The following GSE1 variants were observed in gnomAD, a reference collection of about 807,000 sequenced individuals.
The protein encoded by GSE1 is genetic suppressor element 1.
GSE1 carries 32 observed loss-of-function variants against 112.6 expected under a neutral mutation model. The observed-to-expected ratio is 0.28, with a 90% CI of 0.21 to 0.38. The LOEUF (loss-of-function observed/expected upper bound fraction) is 0.38, where lower values mean the gene tolerates loss of function less well. Ranked by LOEUF, GSE1 falls within the 10% of genes least tolerant of loss-of-function variation. The pLI, the probability that GSE1 is intolerant of heterozygous loss-of-function variation, is 1.00. For missense variants in GSE1, 2,348 were observed against 1,699.2 expected, an observed-to-expected ratio of 1.38 and a Z score of -6.71; for synonymous variants, 1,115 against 735.6, an observed-to-expected ratio of 1.52 and a Z score of -8.35.
chr16:85,584,604 C>G (rs886992817), intron 1 of GSE1, among the ~76,000 whole-genome samples: 1 of 152,152 alleles, frequency 6.6e-6, no homozygotes, highest in Non-Finnish European at 1.5e-5. Flanking sequence ...CGCACGCGTT[C>G]TTTCTCAGAT....
At chr16:85,671,611 T>C (rs889967100) in intron 15 of GSE1, among the ~76,000 whole-genome samples, 1 of 152,034 alleles carries the variant, frequency 6.6e-6, no homozygotes, top group African/African-American at 2.4e-5. Context: ...AAGACCACTG[T>C]CTCCTGAAGG....
At chr16:85,448,328 G>C (rs1325556691) in intron 2 of GSE1, among the ~76,000 whole-genome samples, 1 of 152,212 alleles carries the variant, frequency 6.6e-6, no homozygotes, top group African/African-American at 2.4e-5. Context: ...GTGCAGCCAG[G>C]GTGGAAGACC....
Position 85,620,618 on chromosome 16 carries a change from C to A in GSE1, c.7+7220C>A, listed in dbSNP as rs566344885. On this transcript the variant is annotated intron_variant, in intron 1 of 15. Transcript: ENST00000253458. ...CCGTCGGGAGGGTGCGGTTAGTCAC[C>A]CCGTAACAGATAAGAAAACAGGGTT... Among the ~76,000 whole-genome samples, 4 of 152,264 alleles carry A rather than the reference C, an allele frequency of 2.6e-5. No homozygotes were observed. In the East Asian group the frequency reaches 7.7e-4, roughly 29 times the overall value.
intron 11 of GSE1, 119 bp downstream of exon 11, chr16:85,663,733 C>T (rs928608048): frequency 1.0e-6 from 1 of 1,003,336 alleles, no homozygotes; most frequent in African/African-American, 1.6e-5. Context: ...CTGAGGCTGC[C>T]CCTTTACTCC....
intron 1 of GSE1, among the ~76,000 whole-genome samples, chr16:85,629,614 G>A (rs1042207159): frequency 5.9e-5 from 9 of 152,190 alleles, no homozygotes; most frequent in East Asian, 1.9e-4. Context: ...GCCTGCCTTC[G>A]CCTATCTGGG....
chr16:85,376,165 T>C (rs1305034070), intron 2 of GSE1, among the ~76,000 whole-genome samples: 2 of 151,958 alleles, frequency 1.3e-5, no homozygotes, highest in Non-Finnish European at 2.9e-5. Flanking sequence ...CCAAACAAGC[T>C]CTGCACCCGC....
chr16:85,385,449 T>TGGG (rs1297239694), intron 2 of GSE1, among the ~76,000 whole-genome samples: 4 of 151,864 alleles, frequency 2.6e-5, no homozygotes, highest in Non-Finnish European at 5.9e-5. Context: ...GAGACCGGGC[T>TGGG]GGGTGGGACA....
At chr16:85,492,189 G>A (rs1411466313) in intron 2 of GSE1, among the ~76,000 whole-genome samples, 3 of 152,202 alleles carry the variant, frequency 2.0e-5, no homozygotes, top group Non-Finnish European at 4.4e-5. Flanking sequence ...GGGACACAGG[G>A]ACCTTGATGG....
At chr16:85,280,128 C>T (rs560824056) in intron 1 of GSE1, among the ~76,000 whole-genome samples, 38 of 152,296 alleles carry the variant, frequency 2.5e-4, no homozygotes, top group African/African-American at 7.7e-4. Context: ...CATGCTGTTT[C>T]GGAGCAGATG....
At chr16:85,452,767 G>C (rs1307028425) in intron 2 of GSE1, among the ~76,000 whole-genome samples, 1 of 152,226 alleles carries the variant, frequency 6.6e-6, no homozygotes. Flanking sequence ...GCAGAACTCC[G>C]GGTGTCTTTC....
rs1363166504 is a variant in GSE1, at chr16:85,666,207, C to T, written c.2990C>T (p.Pro997Leu). 3 of 1,613,662 alleles carry T rather than the reference C, an allele frequency of 1.9e-6. No individual in the cohort carries two copies. Among genetic ancestry groups the T allele is most frequent in the Admixed American group, 3.3e-5 (2 of 60,026 alleles). The change falls in exon 13 of 16, where the codon CCC (proline) becomes CTC (leucine). Residue 997 changes from proline to leucine, a missense_variant. Coordinates refer to ENST00000253458, the MANE Select transcript of GSE1 (RefSeq NM_014615.5). ...SMLHYIRGAA[P>L]KDIPVPLSHS... Reference sequence around the variant, plus strand: ...CTTCACTATATCCGGGGCGCTGCACCCAAGGACATTCCTGTGCCGCTGTCC... The same window carrying T: ...CTTCACTATATCCGGGGCGCTGCACTCAAGGACATTCCTGTGCCGCTGTCC...
At chr16:85,396,700 CCGGA>C (rs1359831639) in intron 2 of GSE1, among the ~76,000 whole-genome samples, 1 of 152,252 alleles carries the variant, frequency 6.6e-6, no homozygotes. Flanking sequence ...GGATGGATGT[CCGGA>C]CGCTACACAA....
intron 2 of GSE1, among the ~76,000 whole-genome samples, chr16:85,413,668 A>G (rs1310586482): frequency 2.0e-5 from 3 of 152,060 alleles, no homozygotes; most frequent in Non-Finnish European, 4.4e-5. Context: ...TGACCCCCAA[A>G]CAGCAATTCA....
chr16:85,353,583 C>A (rs945624813), intron 1 of GSE1, among the ~76,000 whole-genome samples: 1 of 152,202 alleles, frequency 6.6e-6, no homozygotes, highest in Non-Finnish European at 1.5e-5. Context: ...CCTGTAGTCC[C>A]AACTACCTGG....
At chr16:85,234,178 TC>T (rs1904360815) in intron 1 of GSE1, among the ~76,000 whole-genome samples, 1 of 152,098 alleles carries the variant, frequency 6.6e-6, no homozygotes, top group African/African-American at 2.4e-5. Context: ...AGGTATCCAC[TC>T]CCCGCCCTCC....
intron 2 of GSE1, among the ~76,000 whole-genome samples, chr16:85,642,204 C>A (rs1458110354): frequency 6.6e-6 from 1 of 152,194 alleles, no homozygotes; most frequent in African/African-American, 2.4e-5. Context: ...CCCAGCTGCT[C>A]GGAGGCTGAG....
chr16:85,573,766 C>T (rs1313380713), intron 1 of GSE1, among the ~76,000 whole-genome samples: 1 of 152,188 alleles, frequency 6.6e-6, no homozygotes, highest in African/African-American at 2.4e-5. Flanking sequence ...GGAAGCATTT[C>T]TCCTCCTCCG....
At chr16:85,225,718 G>T (rs1362312754) in intron 1 of GSE1, among the ~76,000 whole-genome samples, 1 of 152,206 alleles carries the variant, frequency 6.6e-6, no homozygotes, top group African/African-American at 2.4e-5. Context: ...TGGAATTATT[G>T]TCTTCAGAGC....
At chr16:85,267,046 C>T (rs1254698731) in intron 1 of GSE1, among the ~76,000 whole-genome samples, 2 of 152,168 alleles carry the variant, frequency 1.3e-5, no homozygotes, top group Non-Finnish European at 2.9e-5. Context: ...GAGGCTGGGC[C>T]TCTAGAGCAG....
Sources: gnomAD v4.1 joint callset for allele counts (sites outside exome capture counted in the v4.1 genomes callset) on GRCh38, gnomAD v4.1.1 for gene constraint, MANE v1.5 for transcripts, NCBI Gene and HGNC (gene_info 2026-07-23, HGNC 2026-07-21) for gene names.